The following PKHD1 variants were observed in gnomAD, a reference collection of about 807,000 sequenced individuals.
PKHD1 encodes fibrocystin.
In PKHD1, 291 loss-of-function variants were observed where a neutral mutation model predicts 412.0. The observed-to-expected ratio is 0.71, with a 90% CI of 0.64 to 0.78. The LOEUF is 0.78. Among genes scored for constraint, PKHD1 ranks in the 30% least tolerant of loss-of-function variants. The pLI is 0.00. For synonymous variants in PKHD1, 1,777 were observed against 1,821.5 expected (o/e 0.98, Z 0.62); for missense variants, 4,825 against 4,950.7 (o/e 0.97, Z 0.76).
At chr6:51,934,049 A>G in intron 37 of PKHD1, 61 bp downstream of exon 37, 2 of 1,299,732 alleles carry the variant, frequency 1.5e-6, no homozygotes, top group Non-Finnish European at 2.2e-6. Flanking sequence ...AAACAGTTTT[A>G]TCAGTTTCCA....
intron 36 of PKHD1, among the ~76,000 whole-genome samples, chr6:51,950,754 T>C (rs537384318): frequency 6.6e-6 from 1 of 152,220 alleles, no homozygotes; most frequent in African/African-American, 2.4e-5. Context: ...GCTGAGAAAA[T>C]ACAAGCCTGG....
At chr6:52,015,354 C>T (rs1206467581) in intron 34 of PKHD1, among the ~76,000 whole-genome samples, 4 of 152,164 alleles carry the variant, frequency 2.6e-5, no homozygotes, top group Non-Finnish European at 4.4e-5. Context: ...ATTGCTGGGT[C>T]ACAGAGTATA....
chr6:51,921,976 C>A (rs1353400414), intron 37 of PKHD1, among the ~76,000 whole-genome samples: 1 of 152,190 alleles, frequency 6.6e-6, no homozygotes, highest in Non-Finnish European at 1.5e-5. Flanking sequence ...CTATTGCTGG[C>A]AAGGAGCTGC....
Position 51,906,312 on chromosome 6 carries a change from C to T in PKHD1, c.6711G>A (p.Arg2237=). 6.2e-7 allele frequency: 1 copy of T among 1,610,300 alleles called. No individual in the cohort carries two copies. The highest frequency in any genetic ancestry group is 8.5e-7 in the Non-Finnish European group (1 of 1,176,870). The part of the protein sequence containing the change: ...RESFIQGCTV[R]NSFSRGLSMC... ...TGCTGAGGCCTCTACTGAAGGAGTT[C>T]CTCACTGTGCAGCCCTGTATGAAAG... The change falls in exon 41 of 67, where the codon AGG becomes AGA. Residue 2237 remains arginine (R), a synonymous_variant. Transcript: ENST00000371117.
chr6:51,751,359 GCAGGGTATAAAC>G lies in PKHD1; in HGVS notation c.8950+1830_8950+1841del, dbSNP rs556732363. ...ATAGAAAAATGTAAGCATTCTTAATGCAGGGTATAAACCTGAATTGAATTCTGGAACAGAAAA... is the reference window on the plus strand; with the variant it reads ...ATAGAAAAATGTAAGCATTCTTAATGCTGAATTGAATTCTGGAACAGAAAA... On this transcript the variant is annotated intron_variant, in intron 57 of 66. Coordinates refer to ENST00000371117, the MANE Select transcript of PKHD1 (RefSeq NM_138694.4). Among the ~76,000 whole-genome samples, 45 of 152,262 alleles carry G rather than the reference GCAGGGTATAAAC, an allele frequency of 3.0e-4. 3 individuals carry two copies. In the South Asian group the frequency reaches 7.5e-3, roughly 25 times the overall value.
intron 48 of PKHD1, among the ~76,000 whole-genome samples, chr6:51,862,840 G>A (rs1774421680): frequency 1.3e-5 from 2 of 152,158 alleles, no homozygotes; most frequent in Admixed American, 6.5e-5. Flanking sequence ...AACCACCTGG[G>A]AGGTTTTGCT....
chr6:52,000,155 A>T (rs1372432979), intron 35 of PKHD1, among the ~76,000 whole-genome samples: 4 of 152,232 alleles, frequency 2.6e-5, no homozygotes, highest in Admixed American at 6.5e-5. Context: ...GTTACTAAGG[A>T]CTTCCATAAA....
intron 35 of PKHD1, among the ~76,000 whole-genome samples, chr6:51,986,834 C>A (rs79936237): frequency 0.014 from 2,134 of 152,208 alleles, 52 homozygotes; most frequent in African/African-American, 0.048. Flanking sequence ...GGAGTTTTGT[C>A]CAGAAATGAA....
intron 36 of PKHD1, among the ~76,000 whole-genome samples, chr6:51,954,571 A>G (rs1790836576): frequency 6.6e-6 from 1 of 152,148 alleles, no homozygotes; most frequent in Non-Finnish European, 1.5e-5. Context: ...TGGCATTGTG[A>G]GTAGTAAGAA....
chr6:52,070,924 A>G, intron 9 of PKHD1, 82 bp downstream of exon 9: 1 of 840,184 alleles, frequency 1.2e-6, no homozygotes, highest in Non-Finnish European at 2.1e-6. Context: ...TCCTCATGAG[A>G]ACCAATCTTG....
intron 53 of PKHD1, 136 bp downstream of exon 53, chr6:51,791,100 C>T (rs1452625403): frequency 1.2e-6 from 1 of 850,680 alleles, no homozygotes; most frequent in Non-Finnish European, 2.0e-6. Flanking sequence ...AGCAACTTTA[C>T]TGGTGCACTC....
At chr6:51,836,588 G>C (rs1769269668) in intron 50 of PKHD1, 119 bp from the exon 51 acceptor site, 1 of 731,794 alleles carries the variant, frequency 1.4e-6, no homozygotes, top group South Asian at 1.5e-5. Flanking sequence ...TTTCAAAACA[G>C]AAAAATGAAA....
intron 35 of PKHD1, chr6:51,975,937 T>C (rs1216704087): frequency 3.0e-5 from 3 of 101,262 alleles, no homozygotes; most frequent in Non-Finnish European, 3.6e-5. Context: ...CCAGCCGGGA[T>C]AACATAGCGA....
chr6:52,011,517 T>G (rs1184092507), intron 34 of PKHD1, among the ~76,000 whole-genome samples: 1 of 152,170 alleles, frequency 6.6e-6, no homozygotes, highest in Admixed American at 6.5e-5. Flanking sequence ...AGAGCAGTGC[T>G]CTCAAGTTTT....
chr6:52,056,792 T>C lies in PKHD1; in HGVS notation c.1603-4A>G. 1 of 1,610,120 alleles carries C rather than the reference T, an allele frequency of 6.2e-7. No homozygotes were observed. Among genetic ancestry groups the C allele is most frequent in the Non-Finnish European group, 8.5e-7 (1 of 1,176,428 alleles). ...ACTCCTCAATGGTTGTTTGAATCTA[T>C]TACAAAGGAAAAAAATGCCAGGAAT... On this transcript the variant is annotated splice_polypyrimidine_tract_variant and splice_region_variant and intron_variant, in intron 17 of 66. Transcript: ENST00000371117.
At chr6:51,702,849 T>A (rs1779602142) in intron 60 of PKHD1, among the ~76,000 whole-genome samples, 1 of 150,996 alleles carries the variant, frequency 6.6e-6, no homozygotes, top group African/African-American at 2.4e-5. Flanking sequence ...ATAATTCAAA[T>A]GTACCAAATT....
chr6:52,056,231 A>G (rs1807704155), intron 18 of PKHD1, among the ~76,000 whole-genome samples: 1 of 152,226 alleles, frequency 6.6e-6, no homozygotes, highest in African/African-American at 2.4e-5. Flanking sequence ...AAGACAAGGA[A>G]TATCAAGATG....
At chr6:51,738,404 T>C (rs559512856) in intron 60 of PKHD1, among the ~76,000 whole-genome samples, 1 of 152,312 alleles carries the variant, frequency 6.6e-6, no homozygotes, top group South Asian at 2.1e-4. Context: ...TAAGGATATG[T>C]AAGGCGAATA....
intron 48 of PKHD1, among the ~76,000 whole-genome samples, chr6:51,857,278 C>A (rs1773459985): frequency 6.6e-6 from 1 of 151,756 alleles, no homozygotes; most frequent in African/African-American, 2.4e-5. Context: ...TCATGAGAAT[C>A]TTTAACTGTG....
Sources: allele counts gnomAD v4.1 joint callset (sites outside exome capture counted in the v4.1 genomes callset), GRCh38; gene constraint gnomAD v4.1.1; transcripts MANE v1.5; gene names NCBI Gene and HGNC (gene_info 2026-07-23, HGNC 2026-07-21).